Variants in ZNF529 observed in about 807,000 individuals in gnomAD.
ZNF529 encodes the protein zinc finger protein 529.
A neutral mutation model predicts 10.1 loss-of-function variants in ZNF529; 11 were observed. The ratio of observed to expected loss-of-function variants is 1.09; its 90% CI spans 0.69 to 1.81. The LOEUF (loss-of-function observed/expected upper bound fraction) is 1.81. Ranked by LOEUF, ZNF529 falls within the 40% of genes most tolerant of loss-of-function variation. The pLI, the probability that ZNF529 is intolerant of heterozygous loss-of-function variation, is 0.00. For missense variants in ZNF529, 624 were observed against 666.8 expected (o/e 0.94, Z 0.71); for synonymous variants, 204 against 215.7 (o/e 0.95, Z 0.47).
intron 2 of ZNF529, among the ~76,000 whole-genome samples, chr19:36,565,682 A>G (rs1003738781): frequency 6.6e-6 from 1 of 152,220 alleles, no homozygotes; most frequent in African/African-American, 2.4e-5. Flanking sequence ...CCTGGGCGAC[A>G]GAGTGAGACT....
At chr19:36,590,616 C>A (rs1488047224) in intron 1 of ZNF529, among the ~76,000 whole-genome samples, 2 of 151,980 alleles carry the variant, frequency 1.3e-5, no homozygotes, top group African/African-American at 4.8e-5. Flanking sequence ...AAAGTGAATT[C>A]TCTGAAAAAT....
chr19:36,568,977 T>C (rs1568599153), intron 2 of ZNF529, among the ~76,000 whole-genome samples: 1 of 152,256 alleles, frequency 6.6e-6, no homozygotes, highest in East Asian at 1.9e-4. Context: ...GAGCAAACGA[T>C]TACAGGTGGA....
At chr19:36,576,958 CTTTTTTT>C (rs759716467), upstream of ZNF529, among the ~76,000 whole-genome samples, 6 of 136,042 alleles carry the variant, frequency 4.4e-5, no homozygotes, top group African/African-American at 1.3e-4. Context: ...TTTCTTTTTT[CTTTTTTT>C]TTTTTTTTTG....
At chr19:36,598,204 T>C (rs1396886869) in intron 1 of ZNF529, among the ~76,000 whole-genome samples, 1 of 152,180 alleles carries the variant, frequency 6.6e-6, no homozygotes, top group Non-Finnish European at 1.5e-5. Flanking sequence ...TCTATGGTTT[T>C]CTTTTCATTT....
chr19:36,596,209 G>A (rs1272240709), intron 1 of ZNF529, among the ~76,000 whole-genome samples: 3 of 151,668 alleles, frequency 2.0e-5, no homozygotes, highest in Non-Finnish European at 2.9e-5. Context: ...GAGTAGCTGG[G>A]ACTACAGGCG....
intron 2 of ZNF529, among the ~76,000 whole-genome samples, chr19:36,571,856 C>T (rs1373379695): frequency 6.6e-6 from 1 of 151,644 alleles, no homozygotes; most frequent in Non-Finnish European, 1.5e-5. Context: ...CCACTTAAAT[C>T]CCCTCATGAA....
chr19:36,581,240 G>T (rs1010308666), intron 2 of ZNF529: 5 of 151,164 alleles, frequency 3.3e-5, no homozygotes, highest in Non-Finnish European at 7.4e-5. Flanking sequence ...CCAATAATAA[G>T]AAACCTATAC....
At chr19:36,578,131 C>G (rs1477073171), upstream of ZNF529, among the ~76,000 whole-genome samples, 1 of 120,856 alleles carries the variant, frequency 8.3e-6, no homozygotes, top group African/African-American at 3.3e-5. Context: ...GTGGTGCTAT[C>G]TCGGCTCACT....
At chr19:36,591,929 A>T (rs948951016) in intron 1 of ZNF529, among the ~76,000 whole-genome samples, 6 of 152,014 alleles carry the variant, frequency 3.9e-5, no homozygotes, top group Non-Finnish European at 7.4e-5. Flanking sequence ...AAGATATTAC[A>T]AGGAAAGAAA....
chr19:36,593,424 C>T (rs902606184), intron 1 of ZNF529, among the ~76,000 whole-genome samples: 1 of 152,198 alleles, frequency 6.6e-6, no homozygotes, highest in African/African-American at 2.4e-5. Context: ...CTGCCTTGGC[C>T]TCCCAAAGTG....
chr19:36,595,144 TG>T (rs1305894233), intron 1 of ZNF529, among the ~76,000 whole-genome samples: 1 of 152,178 alleles, frequency 6.6e-6, no homozygotes, highest in African/African-American at 2.4e-5. Context: ...GCCAAAGTGC[TG>T]GGATTACAGG....
rs148199724 is a variant in ZNF529, at chr19:36,554,640, T to C, written c.235+30A>G. On this transcript the variant is annotated intron_variant, in intron 4 of 4. Coordinates refer to ENST00000591340, the MANE Select transcript of ZNF529 (RefSeq NM_020951.5). Reference sequence around the variant, plus strand: ...ATCAGTTGATAGTCTAGAGAGTATATTCTAAGTTATTTAAGGCAGATAAAT... The same window carrying C: ...ATCAGTTGATAGTCTAGAGAGTATACTCTAAGTTATTTAAGGCAGATAAAT... 2.3e-4 allele frequency: 353 copies of C among 1,513,318 alleles called. No homozygotes were observed. The African/African-American group carries it at 4.4e-3, about 19-fold the overall frequency. 93.7% of individuals were successfully genotyped at this position (1,513,318 alleles called of 1,614,324 possible).
intron 2 of ZNF529, among the ~76,000 whole-genome samples, chr19:36,585,479 C>T (rs1273410395): frequency 6.6e-6 from 1 of 152,190 alleles, no homozygotes; most frequent in East Asian, 1.9e-4. Context: ...TCATTCTCTT[C>T]TGATGTAAAA....
At chr19:36,567,192 G>A (rs1466082197) in intron 2 of ZNF529, among the ~76,000 whole-genome samples, 1 of 152,134 alleles carries the variant, frequency 6.6e-6, no homozygotes, top group Non-Finnish European at 1.5e-5. Flanking sequence ...TTAAACCAGT[G>A]TAGCTAGGGT....
upstream of ZNF529, among the ~76,000 whole-genome samples, chr19:36,575,640 C>T (rs1280799751): frequency 6.6e-6 from 1 of 152,096 alleles, no homozygotes; most frequent in Non-Finnish European, 1.5e-5. Flanking sequence ...AAATTTCAAA[C>T]TTCATTTAAA....
intron 2 of ZNF529, chr19:36,582,358 A>G (rs1341335658): frequency 6.6e-6 from 1 of 151,966 alleles, no homozygotes; most frequent in Non-Finnish European, 1.5e-5. Flanking sequence ...GGCTTAAACA[A>G]GAATAATAAA....
intron 2 of ZNF529, among the ~76,000 whole-genome samples, chr19:36,559,773 AG>A (rs1352427601): frequency 1.3e-5 from 2 of 152,160 alleles, no homozygotes; most frequent in African/African-American, 2.4e-5. Flanking sequence ...AGTAAAACAG[AG>A]GGGGGTGGTT....
intron 4 of ZNF529, among the ~76,000 whole-genome samples, chr19:36,552,847 C>T (rs929269824): frequency 6.6e-6 from 1 of 152,050 alleles, no homozygotes; most frequent in Non-Finnish European, 1.5e-5. Flanking sequence ...AAACATTCAC[C>T]TTAGAGTAAC....
intron 1 of ZNF529, among the ~76,000 whole-genome samples, chr19:36,600,010 A>AG (rs1194201029): frequency 4.6e-5 from 7 of 152,072 alleles, no homozygotes; most frequent in African/African-American, 1.7e-4. Flanking sequence ...CTGGGATTAC[A>AG]GGCATGTGCC....
Sources: allele counts gnomAD v4.1 joint callset (sites outside exome capture counted in the v4.1 genomes callset), GRCh38; gene constraint gnomAD v4.1.1; transcripts MANE v1.5; gene names NCBI Gene and HGNC (gene_info 2026-07-23, HGNC 2026-07-21).